Variants in SPHKAP observed in about 807,000 individuals in gnomAD.
SPHKAP encodes the protein A-kinase anchor protein SPHKAP.
SPHKAP carries 67 observed loss-of-function variants against 137.5 expected under a neutral mutation model. That is an observed-to-expected ratio of 0.49 (90% confidence interval 0.40 to 0.60). SPHKAP has a LOEUF of 0.60. Among genes scored for constraint, SPHKAP ranks in the 20% least tolerant of loss-of-function variants. The pLI is 0.00. For missense variants in SPHKAP, 2,097 were observed against 2,069.3 expected (o/e 1.01, Z -0.26); for synonymous variants, 813 against 785.3 (o/e 1.04, Z -0.59).
chr2:228,047,731 G>A (rs1696117408), intron 3 of SPHKAP, among the ~76,000 whole-genome samples: 1 of 152,196 alleles, frequency 6.6e-6, no homozygotes, highest in African/African-American at 2.4e-5. Context: ...GTTCCTTGCA[G>A]TTTGGTGGGC....
At chr2:228,098,766 A>C (rs1396362691) in intron 3 of SPHKAP, among the ~76,000 whole-genome samples, 4 of 151,974 alleles carry the variant, frequency 2.6e-5, no homozygotes, top group Admixed American at 1.3e-4. Flanking sequence ...GTATAAAAAA[A>C]AAAAAAAAAA....
intron 6 of SPHKAP, 156 bp from the exon 7 acceptor site, chr2:228,020,312 C>T: frequency 1.7e-6 from 1 of 575,142 alleles, no homozygotes; most frequent in Non-Finnish European, 2.2e-6. Flanking sequence ...GACTTGGAAC[C>T]AACCCAAATG....
In SPHKAP at chr2:228,054,096, A is replaced by G. The variant is rs909997797; in HGVS notation, c.247-26553T>C. ...TGTCTTGGCAGTGATGGGGAAAAAGAGTACAAAGGAAATCATTGGATATAG... is the reference window on the plus strand; with the variant it reads ...TGTCTTGGCAGTGATGGGGAAAAAGGGTACAAAGGAAATCATTGGATATAG... On this transcript the variant is annotated intron_variant, in intron 3 of 11. Transcript: ENST00000392056. Among the ~76,000 whole-genome samples the G allele has an allele frequency of 3.9e-5, 6 of 152,190 alleles. No individual in the cohort carries two copies. The East Asian group carries it at 1.2e-3, about 29-fold the overall frequency.
chr2:227,994,156 C>T (rs1693533639), intron 8 of SPHKAP: 84 of 760,364 alleles, frequency 1.1e-4, no homozygotes, highest in Non-Finnish European at 1.3e-4. Flanking sequence ...GCTATTTTCC[C>T]ATGAGACTAC....
chr2:228,167,949 C>A (rs1559211719), intron 1 of SPHKAP, among the ~76,000 whole-genome samples: 1 of 152,048 alleles, frequency 6.6e-6, no homozygotes, highest in Non-Finnish European at 1.5e-5. Context: ...AAGACATGCT[C>A]ATACATGAAT....
intron 3 of SPHKAP, among the ~76,000 whole-genome samples, chr2:228,076,101 T>C (rs746708890): frequency 2.4e-4 from 36 of 152,210 alleles, no homozygotes; most frequent in Non-Finnish European, 4.1e-4. Flanking sequence ...GCACAAGCCC[T>C]CTTTGCCTGC....
At chr2:228,179,607 T>C (rs1700842604) in intron 1 of SPHKAP, among the ~76,000 whole-genome samples, 1 of 152,176 alleles carries the variant, frequency 6.6e-6, no homozygotes, top group South Asian at 2.1e-4. Context: ...CGGAAATTAC[T>C]ACACTGATTT....
intron 1 of SPHKAP, among the ~76,000 whole-genome samples, chr2:228,150,723 C>T (rs1230963005): frequency 3.3e-5 from 5 of 151,316 alleles, no homozygotes; most frequent in African/African-American, 1.2e-4. Context: ...TTCAAAGAAC[C>T]AACTTTTGAT....
chr2:228,056,285 C>A (rs1696441720), intron 3 of SPHKAP, among the ~76,000 whole-genome samples: 1 of 152,202 alleles, frequency 6.6e-6, no homozygotes, highest in Non-Finnish European at 1.5e-5. Flanking sequence ...AAAGTCATGG[C>A]ACCCTGATGA....
rs755368647 is a variant in SPHKAP at position 227,995,596 on chromosome 2, C to T, written c.4547G>A (p.Ser1516Asn). 1.9e-6 allele frequency: 3 copies of T among 1,613,950 alleles called. No individual in the cohort carries two copies. The highest frequency in any genetic ancestry group is 1.7e-5 in the Admixed American group (1 of 59,994). The change falls in exon 8 of 12, where the codon AGC (serine) becomes AAC (asparagine). Residue 1516 changes from serine (S) to asparagine (N), a missense_variant. By Grantham distance (46) the Ser-to-Asn change is conservative (BLOSUM62 1). Coordinates refer to ENST00000392056, the MANE Select transcript of SPHKAP (RefSeq NM_001142644.2). ...APNPPSSSEE[S>N]TGSWTQLANE... is the part of the protein sequence containing the mutation. Reference sequence around the variant, plus strand: ...GGCAAGCTGGGTCCAGCTGCCTGTGCTCTCCTCGCTGCTGCTTGGAGGGTT... The same window carrying T: ...GGCAAGCTGGGTCCAGCTGCCTGTGTTCTCCTCGCTGCTGCTTGGAGGGTT...
At chr2:228,055,142 C>CAAAATAAAAAA in intron 3 of SPHKAP, among the ~76,000 whole-genome samples, 1 of 61,308 alleles carries the variant, frequency 1.6e-5, no homozygotes, top group Non-Finnish European at 3.3e-5. Context: ...AACTCCACTC[C>CAAAATAAAAAA]AAAAAAAAAA....
chr2:228,053,093 GCT>G (rs1168876574), intron 3 of SPHKAP, among the ~76,000 whole-genome samples: 1 of 152,084 alleles, frequency 6.6e-6, no homozygotes, highest in East Asian at 1.9e-4. Context: ...CCTGCTGAAG[GCT>G]CTCTTTCTGA....
chr2:228,022,221 G>T, intron 5 of SPHKAP: 1 of 985,084 alleles, frequency 1.0e-6, no homozygotes, highest in Non-Finnish European at 1.2e-6. Context: ...ATTTCCCTTG[G>T]TCAAAGCAAA....
chr2:228,023,938 C>G (rs984260977), intron 5 of SPHKAP, among the ~76,000 whole-genome samples: 2 of 152,084 alleles, frequency 1.3e-5, no homozygotes, highest in African/African-American at 2.4e-5. Flanking sequence ...CTGAAAACCA[C>G]CTGGAAATGA....
chr2:228,136,047 C>T lies in SPHKAP; in HGVS notation c.33-3962G>A, dbSNP rs920889343. On this transcript the variant is annotated intron_variant, in intron 1 of 11. Coordinates refer to ENST00000392056, the MANE Select transcript of SPHKAP (RefSeq NM_001142644.2). ...TTAGAGTATTTACAATGATGCTGTC[C>T]GTGATCTCTAGAGAAGCAGAACATT... Among the ~76,000 whole-genome samples, 11 of 152,182 alleles carry T rather than the reference C, an allele frequency of 7.2e-5. No individual in the cohort carries two copies. In the East Asian group the frequency reaches 1.7e-3, roughly 24 times the overall value.
chr2:228,001,237 A>T (rs1254088711), intron 7 of SPHKAP, among the ~76,000 whole-genome samples: 1 of 128,996 alleles, frequency 7.8e-6, no homozygotes, highest in African/African-American at 2.9e-5. Context: ...AAACATATAT[A>T]TATATATATA....
intron 1 of SPHKAP, among the ~76,000 whole-genome samples, chr2:228,163,053 G>T (rs987682768): frequency 6.6e-6 from 1 of 152,212 alleles, no homozygotes; most frequent in African/African-American, 2.4e-5. Flanking sequence ...GGGAGGAACA[G>T]CTTTGTTACA....
At chr2:228,081,255 T>C (rs1697357390) in intron 3 of SPHKAP, among the ~76,000 whole-genome samples, 1 of 152,168 alleles carries the variant, frequency 6.6e-6, no homozygotes, top group South Asian at 2.1e-4. Context: ...AACACATGGA[T>C]TATTGTACCC....
intron 2 of SPHKAP, chr2:228,131,735 T>C (rs1699258552): frequency 1.3e-5 from 13 of 965,492 alleles, no homozygotes; most frequent in Non-Finnish European, 1.6e-5. Flanking sequence ...GAAGTACTGG[T>C]GAAAAGTCTT....
Sources: gnomAD v4.1 joint callset for allele counts (sites outside exome capture counted in the v4.1 genomes callset) on GRCh38, gnomAD v4.1.1 for gene constraint, MANE v1.5 for transcripts, NCBI Gene and HGNC (gene_info 2026-07-23, HGNC 2026-07-21) for gene names.